The following GNA15 variants were observed in gnomAD, a reference collection of about 807,000 sequenced individuals.
GNA15 encodes guanine nucleotide-binding protein subunit alpha-15.
In GNA15, 23 loss-of-function variants were observed where a neutral mutation model predicts 40.1. That is an observed-to-expected ratio of 0.57 (90% CI 0.41 to 0.81). The LOEUF (loss-of-function observed/expected upper bound fraction) is 0.81, where lower values mean the gene tolerates loss of function less well. Ranked by LOEUF, GNA15 falls within the 40% of genes least tolerant of loss-of-function variation. The pLI, the probability that GNA15 is intolerant of heterozygous loss-of-function variation, is 0.00. For synonymous variants in GNA15, 226 were observed against 210.4 expected (o/e 1.07, Z -0.64); for missense variants, 522 against 515.8 (o/e 1.01, Z -0.12).
intron 5 of GNA15, 116 bp from the exon 6 acceptor site, chr19:3,157,612 A>C: frequency 1.2e-6 from 1 of 840,146 alleles, no homozygotes; most frequent in East Asian, 2.5e-5. Context: ...AGCCCCAGCC[A>C]GGCAGATAGG....
Position 3,163,136 on chromosome 19 carries a change from C to T in GNA15, c.*117C>T, listed in dbSNP as rs1915179532. Reference sequence around the variant, plus strand: ...AGCCTCGGCCCACACGCAAGGGAGTCGGGGGACGGACGGCCCGCTGCTGGC... The same window carrying T: ...AGCCTCGGCCCACACGCAAGGGAGTTGGGGGACGGACGGCCCGCTGCTGGC... On this transcript the variant is annotated 3_prime_UTR_variant, in exon 7 of 7. Coordinates refer to ENST00000262958, the MANE Select transcript of GNA15 (RefSeq NM_002068.4). The T allele has an allele frequency of 1.5e-6, 1 of 688,184 alleles. No individual in the cohort carries two copies. 42.6% of individuals were successfully genotyped at this position (688,184 alleles called of 1,614,324 possible). A position where few individuals can be genotyped will look rare whatever the true frequency, so the allele number is the denominator to read the frequency against.
At position 3,151,015 on chromosome 19, in the gene GNA15, T is replaced by G. The variant is rs1055935802; in HGVS notation, c.486-692T>G. On this transcript the variant is annotated intron_variant, in intron 3 of 6. Coordinates refer to ENST00000262958, the MANE Select transcript of GNA15 (RefSeq NM_002068.4). The surrounding 1 kb of genome is among the most constrained non-coding windows in gnomAD (Gnocchi z 5.0). ...TGATCCTGTTCCTGGGGGGACTGTA[T>G]TCCTAGAGTGACCCTGTTCTTGGAG... 1.3e-5 allele frequency among the ~76,000 whole-genome samples: 2 copies of G among 151,656 alleles called. No homozygotes were observed. The highest frequency in any genetic ancestry group is 4.8e-5 in the African/African-American group (2 of 41,252).
At position 3,157,784 on chromosome 19, in the gene GNA15, C is replaced by A; in HGVS notation, c.801C>A (p.Phe267Leu). 6.2e-7 allele frequency: 1 copy of A among 1,613,650 alleles called. No homozygotes were observed. The highest frequency in any genetic ancestry group is 8.5e-7 in the Non-Finnish European group (1 of 1,179,536). The change falls in exon 6 of 7, where the codon TTC (phenylalanine) becomes TTA (leucine). Residue 267 changes from phenylalanine to leucine, a missense_variant. By Grantham distance (22) the Phe-to-Leu change is conservative. Transcript: ENST00000262958. ...LFGTILELPW[F>L]KSTSVILFLN... is the part of the protein sequence containing the mutation. ...GGACTATCCTGGAACTACCCTGGTT[C>A]AAAAGCACATCCGTCATCCTCTTTC...
chr19:3,156,221 C>CATGCACACACGCAA (rs1208065550), intron 5 of GNA15, among the ~76,000 whole-genome samples: 1 of 151,522 alleles, frequency 6.6e-6, no homozygotes, highest in Non-Finnish European at 1.5e-5. Flanking sequence ...CACACACGCA[C>CATGCACACACGCAA]ATACACAATG....
Position 3,157,883 on chromosome 19 carries a change from T to C in GNA15, c.898+2T>C. 1.2e-6 allele frequency: 2 copies of C among 1,609,954 alleles called. No individual in the cohort carries two copies. ...CTACCTATTTCCCCAGTTTCCAGGG[T>C]AAGTAATTCTAGAACTTTCTATACC... On this transcript the variant is annotated splice_donor_variant, in intron 6 of 6. Transcript: ENST00000262958. LOFTEE classifies it high-confidence loss of function.
In GNA15 at chr19:3,157,725, C is replaced by T. The variant is rs1386954345; in HGVS notation, c.745-3C>T. The T allele has an allele frequency of 6.2e-7, 1 of 1,613,602 alleles. No homozygotes were observed. The highest frequency in any genetic ancestry group is 1.7e-5 in the Admixed American group (1 of 59,996). On this transcript the variant is annotated splice_polypyrimidine_tract_variant and splice_region_variant and intron_variant, in intron 5 of 6. Transcript: ENST00000262958. ...CACTAACCTGCTTCTGCCCCCAACA[C>T]AGAACCGCATGAAGGAGAGCCTCGC... is the stretch of plus-strand genomic sequence containing the variant.
rs554929318 is a variant in GNA15, at chr19:3,149,127, G to GCA, written c.330+361_330+362dup. The GCA allele has an allele frequency of 2.4e-3, 603 of 250,314 alleles. 5 individuals carry two copies. Among genetic ancestry groups the GCA allele is most frequent in the African/African-American group, 0.012 (552 of 44,770 alleles). 15.5% of individuals were successfully genotyped at this position (250,314 alleles called of 1,614,324 possible). A position where few individuals can be genotyped will look rare whatever the true frequency, so the allele number is the denominator to read the frequency against. ...TGAATGCACACACGTGCACACGTGT[G>GCA]CACACACACAAATGCACACAAGGAT... On this transcript the variant is annotated intron_variant, in intron 2 of 6. Coordinates refer to ENST00000262958, the MANE Select transcript of GNA15 (RefSeq NM_002068.4).
chr19:3,141,679 G>A (rs921088515), intron 1 of GNA15: 1 of 152,314 alleles, frequency 6.6e-6, no homozygotes, highest in Non-Finnish European at 1.5e-5. Context: ...TTAGAGATGT[G>A]AGCCATTGTG....
chr19:3,146,026 A>G (rs1051369971), intron 1 of GNA15, among the ~76,000 whole-genome samples: 1 of 150,698 alleles, frequency 6.6e-6, no homozygotes, highest in East Asian at 2.0e-4. Flanking sequence ...GGGAGGTGAC[A>G]CCCCCGCCCC....
chr19:3,136,555 G>T lies in GNA15; in HGVS notation c.105G>T (p.Gln35His). 1 of 1,568,476 alleles carries T rather than the reference G, an allele frequency of 6.4e-7. No homozygotes were observed. Among genetic ancestry groups the T allele is most frequent in the South Asian group, 1.2e-5 (1 of 85,416 alleles). ...AGATCAACAGGATCCTCTTGGAGCAGAAGAAGCAGGACCGCGGGGAGCTGA... is the reference window on the plus strand; with the variant it reads ...AGATCAACAGGATCCTCTTGGAGCATAAGAAGCAGGACCGCGGGGAGCTGA... Reference protein sequence around the residue: ...DQEINRILLEQKKQDRGELKL... With the variant: ...DQEINRILLEHKKQDRGELKL... The change falls in exon 1 of 7, where the codon CAG becomes CAT. Residue 35 changes from glutamine to histidine, a missense_variant. Transcript: ENST00000262958. The surrounding 1 kb of genome is among the most constrained non-coding windows in gnomAD (Gnocchi z 4.9).
chr19:3,157,992 A>T (rs1915069747), intron 6 of GNA15, 111 bp downstream of exon 6: 1 of 818,180 alleles, frequency 1.2e-6, no homozygotes, highest in Admixed American at 2.0e-5. Context: ...TTCACATAGG[A>T]TCAGACCCGC....
In GNA15 at chr19:3,148,612, G is replaced by T. The variant is rs1290547277; in HGVS notation, c.167G>T (p.Ser56Ile). ...LLLGPGESGK[S>I]TFIKQMRIIH... ...CCAGGCCCAGGCGAGAGCGGGAAGA[G>T]CACCTTCATCAAGCAGATGCGGATC... The change falls in exon 2 of 7, where the codon AGC becomes ATC. Residue 56 changes from serine (S) to isoleucine (I), a missense_variant. Coordinates refer to ENST00000262958, the MANE Select transcript of GNA15 (RefSeq NM_002068.4). The T allele has an allele frequency of 6.3e-7, 1 of 1,584,644 alleles. No homozygotes were observed. The highest frequency in any genetic ancestry group is 8.6e-7 in the Non-Finnish European group (1 of 1,165,040).
intron 6 of GNA15, among the ~76,000 whole-genome samples, chr19:3,158,986 T>C (rs1225901412): frequency 6.6e-6 from 1 of 152,004 alleles, no homozygotes; most frequent in African/African-American, 2.4e-5. Context: ...CCTAATTGGA[T>C]AGCAATTTCT....
rs1914874381 is a variant in GNA15, at chr19:3,151,214, C to G, written c.486-493C>G. Among the ~76,000 whole-genome samples the G allele has an allele frequency of 6.6e-6, 1 of 151,538 alleles. No homozygotes were observed. Among genetic ancestry groups the G allele is most frequent in the African/African-American group, 2.4e-5 (1 of 41,216 alleles). On this transcript the variant is annotated intron_variant, in intron 3 of 6. Transcript: ENST00000262958. This position sits in a 1 kb window ranked among gnomAD's most constrained non-coding sequence, Gnocchi z 5.0. ...GAGGGGACCCTATTCTGGGGGGACC[C>G]TGTTCCTGGAGTGACCCTGTTCCTG...
chr19:3,156,185 C>CT (rs1165583431), intron 5 of GNA15, among the ~76,000 whole-genome samples: 1 of 151,142 alleles, frequency 6.6e-6, no homozygotes, highest in Non-Finnish European at 1.5e-5. Flanking sequence ...CACACACACA[C>CT]ACACACACAC....
rs1205539525 is a variant in GNA15, at chr19:3,136,537, C to G, written c.87C>G (p.Asn29Lys). 6.4e-7 allele frequency: 1 copy of G among 1,569,868 alleles called. No individual in the cohort carries two copies. Among genetic ancestry groups the G allele is most frequent in the African/African-American group, 1.4e-5 (1 of 74,040 alleles). The part of the protein sequence containing the change: ...KAAARVDQEI[N>K]RILLEQKKQD... The stretch of plus-strand genomic sequence containing the variant: ...CCGCCCGGGTGGACCAGGAGATCAA[C>G]AGGATCCTCTTGGAGCAGAAGAAGC... Residue 29 changes from asparagine (N) to lysine (K), a missense_variant, in exon 1 of 7, where the codon AAC (asparagine) becomes AAG (lysine). By Grantham distance (94) the Asn-to-Lys change is moderately conservative (BLOSUM62 0). Coordinates refer to ENST00000262958, the MANE Select transcript of GNA15 (RefSeq NM_002068.4). This position sits in a 1 kb window ranked among gnomAD's most constrained non-coding sequence, Gnocchi z 4.9.
chr19:3,159,946 G>A (rs1915107890), intron 6 of GNA15, among the ~76,000 whole-genome samples: 1 of 152,202 alleles, frequency 6.6e-6, no homozygotes, highest in East Asian at 1.9e-4. Context: ...AGGGACCAAC[G>A]TGGGGAAGGT....
chr19:3,137,774 C>T (rs1387984017), intron 1 of GNA15, among the ~76,000 whole-genome samples: 1 of 150,222 alleles, frequency 6.7e-6, no homozygotes, highest in African/African-American at 2.5e-5. Flanking sequence ...GAGTGAGACG[C>T]CATCTCAAAC....
chr19:3,159,310 C>T (rs1274589562), intron 6 of GNA15, among the ~76,000 whole-genome samples: 1 of 151,146 alleles, frequency 6.6e-6, no homozygotes, highest in African/African-American at 2.4e-5. Flanking sequence ...AGGCGTGAGC[C>T]ATCGTGCCCA....
Sources: gnomAD v4.1 joint callset for allele counts (sites outside exome capture counted in the v4.1 genomes callset) on GRCh38, gnomAD v4.1.1 for gene constraint, Gnocchi (gnomAD v3.1) non-coding constraint, MANE v1.5 for transcripts, NCBI Gene and HGNC (gene_info 2026-07-23, HGNC 2026-07-21) for gene names.